The following CNKSR2 variants were observed in gnomAD, a reference collection of about 807,000 sequenced individuals.
The protein encoded by CNKSR2 is CNK homolog protein 2.
In CNKSR2, 14 loss-of-function variants were observed where a neutral mutation model predicts 84.4. The ratio of observed to expected loss-of-function variants is 0.17; its 90% confidence interval spans 0.11 to 0.26. The LOEUF is 0.26. Among genes scored for constraint, CNKSR2 ranks in the 10% least tolerant of loss-of-function variants. The pLI is 1.00. For missense variants in CNKSR2, 485 were observed against 771.2 expected (o/e 0.63, Z 4.40); for synonymous variants, 275 against 277.9 (o/e 0.99, Z 0.10).
intron 5 of CNKSR2, among the ~76,000 whole-genome samples, chrX:21,475,445 C>T (rs2091250694): frequency 8.9e-6 from 1 of 111,799 alleles, no homozygotes. Context: ...AAGAACATGG[C>T]TGAAATCTTT....
intron 4 of CNKSR2, among the ~76,000 whole-genome samples, chrX:21,445,970 G>A (rs901729807): frequency 2.7e-5 from 3 of 111,440 alleles, no homozygotes; most frequent in Non-Finnish European, 5.7e-5. Context: ...ACCTAGTAGT[G>A]GGATTGCTGG....
At chrX:21,488,115 G>T (rs954886412) in intron 5 of CNKSR2, among the ~76,000 whole-genome samples, 1 of 111,833 alleles carries the variant, frequency 8.9e-6, no homozygotes, top group African/African-American at 3.2e-5. Context: ...AAAGAGATGT[G>T]AACTGTCCAT....
At chrX:21,406,437 A>T (rs1489753547) in intron 1 of CNKSR2, among the ~76,000 whole-genome samples, 1 of 111,651 alleles carries the variant, frequency 9.0e-6, no homozygotes, top group Non-Finnish European at 1.9e-5. Context: ...ATAAAAATGT[A>T]GTTTTAGCCA....
chrX:21,607,529 C>T (rs1248871071), intron 19 of CNKSR2, among the ~76,000 whole-genome samples: 3 of 111,554 alleles, frequency 2.7e-5, no homozygotes, highest in African/African-American at 9.8e-5. Flanking sequence ...TCAGGCCGGG[C>T]ATGGTAGCTC....
intron 6 of CNKSR2, chrX:21,492,474 G>T (rs961330536): frequency 2.7e-5 from 3 of 111,406 alleles, no homozygotes; most frequent in Non-Finnish European, 5.7e-5. Context: ...AGTTTGCTCT[G>T]TATCACATAT....
intron 3 of CNKSR2, among the ~76,000 whole-genome samples, chrX:21,439,783 G>A (rs1254976427): frequency 1.8e-5 from 2 of 110,458 alleles, no homozygotes; most frequent in South Asian, 3.8e-4. Context: ...ACCTAGAAAC[G>A]CCTCAGGGTG....
At chrX:21,506,030 T>C (rs1489519189) in intron 8 of CNKSR2, 4 of 111,187 alleles carry the variant, frequency 3.6e-5, no homozygotes, top group Non-Finnish European at 7.6e-5. Flanking sequence ...TGTTCTGCTT[T>C]CTCAGAGGAG....
chrX:21,438,712 G>A (rs2090743006), intron 3 of CNKSR2, among the ~76,000 whole-genome samples: 1 of 111,127 alleles, frequency 9.0e-6, no homozygotes, highest in Non-Finnish European at 1.9e-5. Flanking sequence ...ACGTAATAAA[G>A]TATAAGACAG....
intron 1 of CNKSR2, among the ~76,000 whole-genome samples, chrX:21,392,996 T>A (rs1237832180): frequency 8.9e-6 from 1 of 112,117 alleles, no homozygotes; most frequent in Admixed American, 9.5e-5. Flanking sequence ...AAGCTCAGTC[T>A]TTGGTAATCA....
At chrX:21,413,427 A>G (rs1162541882) in intron 1 of CNKSR2, among the ~76,000 whole-genome samples, 1 of 110,893 alleles carries the variant, frequency 9.0e-6, no homozygotes, top group Non-Finnish European at 1.9e-5. Context: ...CATCCTCTCA[A>G]GCATTTATCC....
chrX:21,575,532 TCACAA>T (rs2092313710), intron 13 of CNKSR2, among the ~76,000 whole-genome samples: 1 of 111,317 alleles, frequency 9.0e-6, no homozygotes, highest in Non-Finnish European at 1.9e-5. Flanking sequence ...TTCCTGCTAC[TCACAA>T]CCAAAAATTA....
chrX:21,393,352 G>T (rs1307330123), intron 1 of CNKSR2, among the ~76,000 whole-genome samples: 1 of 112,195 alleles, frequency 8.9e-6, no homozygotes, highest in Non-Finnish European at 1.9e-5. Flanking sequence ...AATAAGGTAA[G>T]AATGCTTTAC....
intron 1 of CNKSR2, among the ~76,000 whole-genome samples, chrX:21,419,452 T>C (rs1406766982): frequency 1.8e-5 from 2 of 111,281 alleles, no homozygotes; most frequent in African/African-American, 3.3e-5. Flanking sequence ...ATTGTCCTAA[T>C]ACTTGTAGAT....
At chrX:21,484,966 G>T (rs1054525484) in intron 5 of CNKSR2, among the ~76,000 whole-genome samples, 3 of 111,513 alleles carry the variant, frequency 2.7e-5, no homozygotes, top group Non-Finnish European at 5.6e-5. Context: ...GGCGAATCAT[G>T]AGGTCAGGAG....
intron 4 of CNKSR2, among the ~76,000 whole-genome samples, chrX:21,451,851 T>TAATAA (rs765910057): frequency 9.1e-6 from 1 of 110,428 alleles, no homozygotes; most frequent in Non-Finnish European, 1.9e-5. Flanking sequence ...AGTATAATAA[T>TAATAA]AATAAAATAA....
intron 20 of CNKSR2, among the ~76,000 whole-genome samples, chrX:21,631,029 T>TA (rs1569284341): frequency 1.0e-4 from 11 of 110,199 alleles, no homozygotes; most frequent in African/African-American, 3.3e-4. Flanking sequence ...GGATTTTTTT[T>TA]TAAAAAAAAA....
chrX:21,605,377 A>G (rs1412036115), intron 18 of CNKSR2, among the ~76,000 whole-genome samples: 2 of 112,660 alleles, frequency 1.8e-5, no homozygotes, highest in African/African-American at 3.2e-5. Flanking sequence ...CTCAAAAGGA[A>G]TAATTAAAGC....
chrX:21,508,810 G>T (rs1011827089), intron 8 of CNKSR2, among the ~76,000 whole-genome samples: 2 of 111,982 alleles, frequency 1.8e-5, no homozygotes, highest in Admixed American at 1.9e-4. Context: ...CAAGTAACAG[G>T]GTATGGAAAG....
At chrX:21,484,893 AC>A (rs2091363954) in intron 5 of CNKSR2, among the ~76,000 whole-genome samples, 1 of 112,117 alleles carries the variant, frequency 8.9e-6, no homozygotes, top group South Asian at 3.7e-4. Flanking sequence ...TTTTAAAAAA[AC>A]AATAGCTGGC....
Sources: allele counts gnomAD v4.1 joint callset (sites outside exome capture counted in the v4.1 genomes callset), GRCh38; gene constraint gnomAD v4.1.1; transcripts MANE v1.5; gene names NCBI Gene and HGNC (gene_info 2026-07-23, HGNC 2026-07-21).